The following CNTNAP2 variants were observed in gnomAD, a reference collection of about 807,000 sequenced individuals.
CNTNAP2 encodes contactin-associated protein-like 2.
A neutral mutation model predicts 155.2 loss-of-function variants in CNTNAP2; 98 were observed. The observed-to-expected ratio is 0.63, with a 90% CI of 0.54 to 0.75. The LOEUF (loss-of-function observed/expected upper bound fraction) is 0.75, where lower values mean the gene tolerates loss of function less well. Ranked by LOEUF, CNTNAP2 falls within the 30% of genes least tolerant of loss-of-function variation. The pLI, the probability that CNTNAP2 is intolerant of heterozygous loss-of-function variation, is 0.00. For synonymous variants in CNTNAP2, 651 were observed against 631.2 expected, an observed-to-expected ratio of 1.03 and a Z score of -0.47; for missense variants, 1,727 against 1,688.1, an observed-to-expected ratio of 1.02 and a Z score of -0.40.
chr7:146,821,168 A>G (rs1803274214), intron 2 of CNTNAP2, among the ~76,000 whole-genome samples: 1 of 152,144 alleles, frequency 6.6e-6, no homozygotes. Context: ...ATTTACATTT[A>G]AAGTTAATAT....
chr7:147,753,662 G>A (rs200915688), intron 13 of CNTNAP2, among the ~76,000 whole-genome samples: 1 of 152,124 alleles, frequency 6.6e-6, no homozygotes, highest in Non-Finnish European at 1.5e-5. Flanking sequence ...ATTCGGTAAT[G>A]GGGACAAGAG....
chr7:146,635,522 A>G (rs1201882688), intron 1 of CNTNAP2, among the ~76,000 whole-genome samples: 2 of 152,172 alleles, frequency 1.3e-5, no homozygotes, highest in Non-Finnish European at 2.9e-5. Context: ...CTAAACCATA[A>G]AACATCTCTG....
At chr7:146,368,444 G>A (rs1352265195) in intron 1 of CNTNAP2, among the ~76,000 whole-genome samples, 4 of 152,116 alleles carry the variant, frequency 2.6e-5, no homozygotes, top group Non-Finnish European at 5.9e-5. Context: ...GGTATGGTAT[G>A]GTTTGGTACC....
intron 3 of CNTNAP2, among the ~76,000 whole-genome samples, chr7:146,883,572 G>C (rs536007988): frequency 6.6e-6 from 1 of 152,192 alleles, no homozygotes; most frequent in East Asian, 1.9e-4. Context: ...AAGATTTTGC[G>C]AGAACTCAGC....
At chr7:148,014,277 A>T (rs1442691833) in intron 15 of CNTNAP2, 1 of 35,954 alleles carries the variant, frequency 2.8e-5, no homozygotes, top group African/African-American at 1.2e-4. Context: ...AAGTAAACAT[A>T]AAAAAAAAAA....
At chr7:146,888,055 AATCT>A (rs1308244461) in intron 3 of CNTNAP2, among the ~76,000 whole-genome samples, 1 of 152,126 alleles carries the variant, frequency 6.6e-6, no homozygotes, top group Non-Finnish European at 1.5e-5. Flanking sequence ...CCAATGAATT[AATCT>A]ATCATCCATT....
Position 146,616,142 on chromosome 7 carries a change from G to A in CNTNAP2, c.98-158129G>A, listed in dbSNP as rs531920759. ...GAGCACAAAGTCTATAAAAATAAGA[G>A]GGGATGAGAGAGAAACAGGAAAGAG... On this transcript the variant is annotated intron_variant, in intron 1 of 23. Transcript: ENST00000361727. 1.5e-4 allele frequency among the ~76,000 whole-genome samples: 23 copies of A among 152,160 alleles called. 1 individual carries two copies. The South Asian group carries it at 4.6e-3, about 30-fold the overall frequency.
chr7:147,447,405 G>A lies in CNTNAP2; in HGVS notation c.1671-38530G>A, dbSNP rs188386937. 4.7e-3 allele frequency among the ~76,000 whole-genome samples: 719 copies of A among 152,210 alleles called. 4 individuals carry two copies. Among genetic ancestry groups the A allele is most frequent in the African/African-American group, 0.017 (693 of 41,530 alleles). On this transcript the variant is annotated intron_variant, in intron 10 of 23. Transcript: ENST00000361727. ...TTCAATATTTAAGGTTATAGTATTTGGGGTTATGTTTACTTGCTGGTTTGT... is the reference window on the plus strand; with the variant it reads ...TTCAATATTTAAGGTTATAGTATTTAGGGTTATGTTTACTTGCTGGTTTGT...
intron 18 of CNTNAP2, among the ~76,000 whole-genome samples, chr7:148,210,599 A>G (rs1377803066): frequency 3.3e-5 from 5 of 152,194 alleles, no homozygotes. Flanking sequence ...CTCAGGATAA[A>G]CTTAGAGATT....
At chr7:147,336,202 G>C (rs1322737047) in intron 9 of CNTNAP2, among the ~76,000 whole-genome samples, 3 of 152,126 alleles carry the variant, frequency 2.0e-5, no homozygotes, top group Non-Finnish European at 4.4e-5. Flanking sequence ...ATAGTATTAT[G>C]ATAATTTTAT....
intron 3 of CNTNAP2, among the ~76,000 whole-genome samples, chr7:146,929,435 C>G (rs1437119094): frequency 6.6e-6 from 1 of 152,302 alleles, no homozygotes; most frequent in Middle Eastern, 3.4e-3. Context: ...AAAAACCCAT[C>G]TGTACATCAC....
At chr7:146,740,993 T>C (rs1293800857) in intron 1 of CNTNAP2, among the ~76,000 whole-genome samples, 1 of 152,130 alleles carries the variant, frequency 6.6e-6, no homozygotes, top group Non-Finnish European at 1.5e-5. Flanking sequence ...GTTCGGAATA[T>C]GGAGCTATGA....
chr7:147,468,578 G>A (rs1193076011), intron 10 of CNTNAP2, among the ~76,000 whole-genome samples: 1 of 152,062 alleles, frequency 6.6e-6, no homozygotes, highest in African/African-American at 2.4e-5. Flanking sequence ...TTAGTCAGAC[G>A]ATTAGACTTA....
intron 1 of CNTNAP2, among the ~76,000 whole-genome samples, chr7:146,683,618 C>T (rs939784003): frequency 1.3e-5 from 2 of 152,114 alleles, no homozygotes; most frequent in Non-Finnish European, 2.9e-5. Context: ...AGAGTTTACT[C>T]AGCATTTATT....
chr7:147,364,078 C>T (rs963224833), intron 9 of CNTNAP2, among the ~76,000 whole-genome samples: 4 of 152,072 alleles, frequency 2.6e-5, no homozygotes, highest in Non-Finnish European at 4.4e-5. Context: ...GTTTTTCTTT[C>T]CCTTATGGTT....
At chr7:146,542,975 T>C (rs939191810) in intron 1 of CNTNAP2, among the ~76,000 whole-genome samples, 1 of 151,864 alleles carries the variant, frequency 6.6e-6, no homozygotes, top group Non-Finnish European at 1.5e-5. Context: ...ATAAGAAGAA[T>C]AAATTCAAGA....
At chr7:146,896,991 T>C (rs1011623024) in intron 3 of CNTNAP2, among the ~76,000 whole-genome samples, 3 of 152,142 alleles carry the variant, frequency 2.0e-5, no homozygotes, top group Admixed American at 6.6e-5. Flanking sequence ...TGAAATTTCA[T>C]ACAAAACTGA....
At chr7:146,814,462 A>G (rs1332983593) in intron 2 of CNTNAP2, among the ~76,000 whole-genome samples, 1 of 152,224 alleles carries the variant, frequency 6.6e-6, no homozygotes, top group Non-Finnish European at 1.5e-5. Flanking sequence ...GATAACAATA[A>G]TATAGAGAAC....
At chr7:147,099,872 A>G (rs1424681438) in intron 4 of CNTNAP2, among the ~76,000 whole-genome samples, 1 of 152,234 alleles carries the variant, frequency 6.6e-6, no homozygotes, top group Non-Finnish European at 1.5e-5. Flanking sequence ...TATTTTCAGT[A>G]AACAGCGAAG....
Sources: allele counts gnomAD v4.1 joint callset (sites outside exome capture counted in the v4.1 genomes callset), GRCh38; gene constraint gnomAD v4.1.1; transcripts MANE v1.5; gene names NCBI Gene and HGNC (gene_info 2026-07-23, HGNC 2026-07-21).